Variants in RPS12 observed in about 807,000 individuals in gnomAD.
RPS12 encodes the protein ribosomal protein S12.
Under a neutral mutation model 17.2 loss-of-function variants are expected in RPS12, and 1 was observed. The ratio of observed to expected loss-of-function variants is 0.06; its 90% CI spans 0.02 to 0.28. The LOEUF is 0.28. Among genes scored for constraint, RPS12 ranks in the 10% least tolerant of loss-of-function variants. RPS12 has a pLI of 1.00. For missense variants in RPS12, 146 were observed against 162.1 expected, an observed-to-expected ratio of 0.90 and a Z score of 0.54; for synonymous variants, 67 against 54.0, an observed-to-expected ratio of 1.24 and a Z score of -1.06.
rs779971952 is a variant in RPS12, at chr6:132,816,441, C to T, written c.132-20C>T. On this transcript the variant is annotated intron_variant, in intron 3 of 5. Transcript: ENST00000230050. ...TGGATCTGAGTTTTAGCTCCATTTT[C>T]ATTGTAATTTGAATTTCAGGCGCCA... 23 of 1,576,332 alleles carry T rather than the reference C, an allele frequency of 1.5e-5. No homozygotes were observed. Among genetic ancestry groups the T allele is most frequent in the East Asian group, 6.7e-5 (3 of 44,596 alleles).
intron 4 of RPS12, 29 bp from the exon 5 acceptor site, chr6:132,816,927 GATTT>G: frequency 7.8e-7 from 1 of 1,282,944 alleles, no homozygotes; most frequent in Non-Finnish European, 1.1e-6. Context: ...CTATTAATGT[GATTT>G]TTTTTTTTTT....
chr6:132,816,161 G>T, intron 3 of RPS12: 3 of 466,280 alleles, frequency 6.4e-6, no homozygotes, highest in Non-Finnish European at 7.9e-6. Context: ...GGTATATGAA[G>T]CTGGCTTACA....
chr6:132,815,172 T>G, intron 3 of RPS12, 84 bp downstream of exon 3: 1 of 900,470 alleles, frequency 1.1e-6, no homozygotes, highest in Non-Finnish European at 1.9e-6. Context: ...GAGTTCATGG[T>G]GTTAGCGCAA....
intron 5 of RPS12, 46 bp from the exon 6 acceptor site, chr6:132,817,434 C>A: frequency 8.0e-7 from 1 of 1,248,726 alleles, no homozygotes; most frequent in Non-Finnish European, 1.2e-6. Flanking sequence ...TGGTGAAATT[C>A]CTAAATATTA....
intron 3 of RPS12, chr6:132,815,353 T>G (rs746182558): frequency 3.1e-6 from 2 of 635,886 alleles, no homozygotes; most frequent in Non-Finnish European, 6.0e-6. Flanking sequence ...ACTCCTTTTA[T>G]GAGTGAAACA....
chr6:132,817,132 T>C lies in RPS12; in HGVS notation c.336+71T>C, dbSNP rs915315655. 5.1e-6 allele frequency: 5 copies of C among 988,274 alleles called. No individual in the cohort carries two copies. The African/African-American group carries it at 8.1e-5, about 16-fold the overall frequency. 61.2% of individuals were successfully genotyped at this position (988,274 alleles called of 1,614,324 possible). ...ATATAAAACCTTGTATTGAAATAAG[T>C]TGAGGATCTTATAAAAGGAAAAAAC... On this transcript the variant is annotated intron_variant, in intron 5 of 5. Transcript: ENST00000230050.
chr6:132,814,692 G>T lies in RPS12; in HGVS notation c.-37-40G>T, dbSNP rs867617978. 9.7e-5 allele frequency: 147 copies of T among 1,523,110 alleles called. No homozygotes were observed. The Middle Eastern group carries it at 1.0e-3, about 11-fold the overall frequency. 94.3% of individuals were successfully genotyped at this position (1,523,110 alleles called of 1,614,324 possible). ...GCGTTCTTGCTGGGATTCGTGACGA[G>T]TATCTGGTTCTTTAACAAGTCAATG... On this transcript the variant is annotated intron_variant, in intron 1 of 5. Transcript: ENST00000230050.
chr6:132,815,011 A>T lies in RPS12; in HGVS notation c.54A>T (p.Leu18Phe). ...AGGVMDVNTA[L>F]QEVLKTALIH... is the part of the protein sequence containing the mutation. Reference sequence around the variant, plus strand: ...GTGTAATGGACGTTAATACTGCTTTACAAGAGGTTCTGAAGACTGCCCTCA... The same window carrying T: ...GTGTAATGGACGTTAATACTGCTTTTCAAGAGGTTCTGAAGACTGCCCTCA... The change falls in exon 3 of 6, where the codon TTA (leucine) becomes TTT (phenylalanine). Residue 18 changes from leucine (L) to phenylalanine (F), a missense_variant. Leu to Phe is a conservative substitution (Grantham distance 22, BLOSUM62 0). Coordinates refer to ENST00000230050, the MANE Select transcript of RPS12 (RefSeq NM_001016.4). 1.2e-6 allele frequency: 2 copies of T among 1,613,760 alleles called. No individual in the cohort carries two copies. The highest frequency in any genetic ancestry group is 1.7e-6 in the Non-Finnish European group (2 of 1,179,698).
chr6:132,814,845 T>A (rs1314043148), intron 2 of RPS12, 63 bp downstream of exon 2: 2 of 1,516,948 alleles, frequency 1.3e-6, no homozygotes, highest in Non-Finnish European at 1.8e-6. Context: ...GGGCTAGAGC[T>A]GGCGGAACAG....
chr6:132,814,743 T>G lies in RPS12; in HGVS notation c.-26T>G, dbSNP rs1442797366. ...CTTTTGTTTTTTAGTGCGTTCAAGA[T>G]TCAACTTCACCCGTAACCCACCGCC... is the stretch of plus-strand genomic sequence containing the variant. On this transcript the variant is annotated 5_prime_UTR_variant, in exon 2 of 6. Coordinates refer to ENST00000230050, the MANE Select transcript of RPS12 (RefSeq NM_001016.4). The G allele has an allele frequency of 7.4e-6, 12 of 1,612,888 alleles. No homozygotes were observed. Among genetic ancestry groups the G allele is most frequent in the Non-Finnish European group, 1.0e-5 (12 of 1,179,088 alleles).
At chr6:132,816,828 T>C (rs1449974333) in intron 4 of RPS12, 132 bp from the exon 5 acceptor site, 2 of 781,066 alleles carry the variant, frequency 2.6e-6, no homozygotes, top group Non-Finnish European at 4.6e-6. Flanking sequence ...ACTGGCTCCC[T>C]CTACTGAACT....
At position 132,815,347 on chromosome 6, in the gene RPS12, CTTTT is replaced by C. The variant is rs769048809; in HGVS notation, c.131+260_131+263del. ...TTAATTGTCGGATACCCCTTCACTC[CTTTT>C]ATGAGTGAAACATAAGAGTCTGACA... On this transcript the variant is annotated intron_variant, in intron 3 of 5. Coordinates refer to ENST00000230050, the MANE Select transcript of RPS12 (RefSeq NM_001016.4). 3 of 649,808 alleles carry C rather than the reference CTTTT, an allele frequency of 4.6e-6. No individual in the cohort carries two copies. The Admixed American group carries it at 5.4e-5, about 12-fold the overall frequency. The allele number at this position is 649,808 out of a possible 1,614,324, so 40.3% of individuals were successfully genotyped here.
Position 132,814,714 on chromosome 6 carries a change from A to G in RPS12, c.-37-18A>G. The G allele has an allele frequency of 3.1e-6, 5 of 1,599,776 alleles. No homozygotes were observed. The highest frequency in any genetic ancestry group is 2.2e-5 in the South Asian group (2 of 90,678). On this transcript the variant is annotated intron_variant, in intron 1 of 5. Coordinates refer to ENST00000230050, the MANE Select transcript of RPS12 (RefSeq NM_001016.4). ...CGAGTATCTGGTTCTTTAACAAGTC[A>G]ATGCTTTTGTTTTTTAGTGCGTTCA... is the stretch of plus-strand genomic sequence containing the variant.
At chr6:132,817,134 G>A (rs2114713587) in intron 5 of RPS12, 73 bp downstream of exon 5, 3 of 987,716 alleles carry the variant, frequency 3.0e-6, no homozygotes, top group Non-Finnish European at 4.8e-6. Flanking sequence ...GAAATAAGTT[G>A]AGGATCTTAT....
At position 132,816,450 on chromosome 6, in the gene RPS12, T is replaced by C; in HGVS notation, c.132-11T>C. 6.3e-7 allele frequency: 1 copy of C among 1,599,264 alleles called. No homozygotes were observed. Among genetic ancestry groups the C allele is most frequent in the Non-Finnish European group, 8.6e-7 (1 of 1,169,012 alleles). On this transcript the variant is annotated splice_polypyrimidine_tract_variant and intron_variant, in intron 3 of 5. Coordinates refer to ENST00000230050, the MANE Select transcript of RPS12 (RefSeq NM_001016.4). Reference sequence around the variant, plus strand: ...GTTTTAGCTCCATTTTCATTGTAATTTGAATTTCAGGCGCCAAGCCCATCT... The same window carrying C: ...GTTTTAGCTCCATTTTCATTGTAATCTGAATTTCAGGCGCCAAGCCCATCT...
intron 4 of RPS12, 102 bp downstream of exon 4, chr6:132,816,665 A>G (rs1223987340): frequency 1.7e-5 from 14 of 843,464 alleles, no homozygotes; most frequent in Non-Finnish European, 2.0e-5. Flanking sequence ...GCAGGTGTAA[A>G]CATTACGTGC....
intron 3 of RPS12, among the ~76,000 whole-genome samples, chr6:132,816,247 G>A (rs1044444040): frequency 6.6e-6 from 1 of 152,176 alleles, no homozygotes; most frequent in Non-Finnish European, 1.5e-5. Context: ...CAGGGACAGA[G>A]GTTTTACTGA....
At chr6:132,817,185 G>A (rs1782081937) in intron 5 of RPS12, 124 bp downstream of exon 5, 1 of 797,912 alleles carries the variant, frequency 1.3e-6, no homozygotes, top group African/African-American at 1.7e-5. Context: ...AGCATTTTCT[G>A]CATTTCAGGA....
chr6:132,817,239 T>C (rs1782083655), intron 5 of RPS12, 178 bp downstream of exon 5: 1 of 772,938 alleles, frequency 1.3e-6, no homozygotes, highest in Non-Finnish European at 2.3e-6. Flanking sequence ...ATGAATCTGC[T>C]TACCTGATTG....
Sources: allele counts gnomAD v4.1 joint callset (sites outside exome capture counted in the v4.1 genomes callset), GRCh38; gene constraint gnomAD v4.1.1; transcripts MANE v1.5; gene names NCBI Gene and HGNC (gene_info 2026-07-23, HGNC 2026-07-21).